AFF4: variants seen among roughly 807,000 people sequenced by gnomAD.
AFF4 encodes AF4/FMR2 family member 4.
In AFF4, 13 loss-of-function variants were observed where a neutral mutation model predicts 124.8. That is an observed-to-expected ratio of 0.10 (90% CI 0.07 to 0.17). AFF4 has a LOEUF of 0.17. Ranked by LOEUF, AFF4 falls within the 10% of genes least tolerant of loss-of-function variation. The pLI is 1.00. For missense variants in AFF4, 1,092 were observed against 1,403.8 expected, an observed-to-expected ratio of 0.78 and a Z score of 3.55; for synonymous variants, 477 against 496.1, an observed-to-expected ratio of 0.96 and a Z score of 0.51.
At chr5:132,929,583 A>G (rs1296275794) in intron 4 of AFF4, among the ~76,000 whole-genome samples, 2 of 152,172 alleles carry the variant, frequency 1.3e-5, no homozygotes, top group Non-Finnish European at 2.9e-5. Flanking sequence ...ACAGGGAAAA[A>G]AAATCTATAT....
rs1411633307 is a variant in AFF4, at chr5:132,897,041, C to A, written c.1589G>T (p.Gly530Val). ...GPKETSSATP[G>V]RDSKTIQKGS... Reference sequence around the variant, plus strand: ...CTTTTGGATGGTTTTGGAGTCTCGTCCCGGAGTAGCGGAACTCGTTTCTTT... The same window carrying A: ...CTTTTGGATGGTTTTGGAGTCTCGTACCGGAGTAGCGGAACTCGTTTCTTT... Residue 530 changes from glycine to valine, a missense_variant, in exon 11 of 21, where the codon GGA becomes GTA. Physicochemically the swap from Gly to Val is moderately radical, Grantham distance 109. Around this residue, in one of 11 missense-constraint regions of AFF4, gnomAD observed 174 missense variants for 205.9 expected, o/e 0.84. Transcript: ENST00000265343. 4.3e-6 allele frequency: 7 copies of A among 1,614,066 alleles called. No individual in the cohort carries two copies. The highest frequency in any genetic ancestry group is 3.3e-4 in the Middle Eastern group (2 of 6,078).
chr5:132,946,719 G>A (rs1761705101), intron 1 of AFF4, among the ~76,000 whole-genome samples: 1 of 152,094 alleles, frequency 6.6e-6, no homozygotes, highest in Non-Finnish European at 1.5e-5. Context: ...ATTGATGATT[G>A]TACAACACTG....
rs574084668 is a variant in AFF4 at position 132,920,111 on chromosome 5, G to A, written c.1050+7010C>T. Among the ~76,000 whole-genome samples the A allele has an allele frequency of 9.8e-4, 148 of 151,436 alleles. 1 individual carries two copies. Among genetic ancestry groups the A allele is most frequent in the Admixed American group, 3.4e-3 (52 of 15,224 alleles). ...GTTGCCCAGGCTGGAGTGCACTGGCGCAATCTTGGCTCACTGCAACCTCCG... is the reference window on the plus strand; with the variant it reads ...GTTGCCCAGGCTGGAGTGCACTGGCACAATCTTGGCTCACTGCAACCTCCG... On this transcript the variant is annotated intron_variant, in intron 5 of 20. Coordinates refer to ENST00000265343, the MANE Select transcript of AFF4 (RefSeq NM_014423.4).
intron 19 of AFF4, among the ~76,000 whole-genome samples, chr5:132,884,162 T>C (rs1190805613): frequency 6.6e-6 from 1 of 152,180 alleles, no homozygotes; most frequent in Non-Finnish European, 1.5e-5. Context: ...TTAAAATTTG[T>C]GAAATGTTCA....
intron 1 of AFF4, among the ~76,000 whole-genome samples, chr5:132,958,465 C>CAAAA (rs34337170): frequency 5.6e-4 from 31 of 55,654 alleles, no homozygotes; most frequent in African/African-American, 1.7e-3. Flanking sequence ...GACCCTGTCT[C>CAAAA]AAAAAAAAAA....
intron 4 of AFF4, 89 bp from the exon 5 acceptor site, chr5:132,927,296 G>A: frequency 9.0e-7 from 1 of 1,106,768 alleles, no homozygotes; most frequent in Non-Finnish European, 1.3e-6. Flanking sequence ...ATAAATACTG[G>A]TTTCATGACA....
At chr5:132,895,165 A>C (rs577388789) in intron 11 of AFF4, among the ~76,000 whole-genome samples, 23 of 152,312 alleles carry the variant, frequency 1.5e-4, no homozygotes, top group Non-Finnish European at 1.8e-4. Flanking sequence ...CAGCAGCCCT[A>C]AACAGCTTAC....
intron 2 of AFF4, 34 bp downstream of exon 2, chr5:132,937,033 A>T (rs1361462674): frequency 6.3e-7 from 1 of 1,576,526 alleles, no homozygotes; most frequent in South Asian, 1.1e-5. Context: ...TGTCATGCTA[A>T]TGGGAAAAAA....
intron 13 of AFF4, among the ~76,000 whole-genome samples, chr5:132,890,329 G>A (rs1170693948): frequency 6.6e-6 from 1 of 151,834 alleles, no homozygotes; most frequent in African/African-American, 2.4e-5. Context: ...GAGTGCAGTG[G>A]TGCAATCATG....
intron 5 of AFF4, among the ~76,000 whole-genome samples, chr5:132,923,935 A>G (rs1561497104): frequency 1.3e-5 from 2 of 152,148 alleles, no homozygotes; most frequent in Non-Finnish European, 2.9e-5. Context: ...GTGTTTCCAT[A>G]TAATAAAATA....
chr5:132,893,054 C>T lies in AFF4; in HGVS notation c.2372G>A (p.Gly791Asp). 1 of 1,614,044 alleles carries T rather than the reference C, an allele frequency of 6.2e-7. No homozygotes were observed. Among genetic ancestry groups the T allele is most frequent in the South Asian group, 1.1e-5 (1 of 91,072 alleles). The change falls in exon 12 of 21, where the codon GGC becomes GAC. Residue 791 changes from glycine to aspartate, a missense_variant. Gly to Asp is a moderately conservative substitution (Grantham distance 94, BLOSUM62 -1). Transcript: ENST00000265343. Reference sequence around the variant, plus strand: ...CTCTCTGTTGCTGGATGGCTTATGGCCTGCTGAATTCTTGTCCTCCGTTTT... The same window carrying T: ...CTCTCTGTTGCTGGATGGCTTATGGTCTGCTGAATTCTTGTCCTCCGTTTT... ...KPKTEDKNSA[G>D]HKPSSNRESS...
rs931178213 is a variant in AFF4 at position 132,934,375 on chromosome 5, A to G, written c.690T>C (p.Ser230=). The change falls in exon 3 of 21, where the codon AGT becomes AGC. Residue 230 remains serine, a synonymous_variant. Transcript: ENST00000265343. ...GGAAAGATTGAGTTGAGTGCTGCCCACTTGAAAAAGGTACACGGGAAGGAG... is the reference window on the plus strand; with the variant it reads ...GGAAAGATTGAGTTGAGTGCTGCCCGCTTGAAAAAGGTACACGGGAAGGAG... ...WDSPSRVPFS[S]GQHSTQSFPP... 1 of 1,614,170 alleles carries G rather than the reference A, an allele frequency of 6.2e-7. No homozygotes were observed. Among genetic ancestry groups the G allele is most frequent in the Middle Eastern group, 1.6e-4 (1 of 6,062 alleles).
At chr5:132,962,973 T>C (rs1762114018) in intron 1 of AFF4, among the ~76,000 whole-genome samples, 1 of 152,140 alleles carries the variant, frequency 6.6e-6, no homozygotes, top group South Asian at 2.1e-4. Context: ...AATCAGCCGA[T>C]GGAACGTCTG....
chr5:132,881,317 G>T, intron 20 of AFF4, 131 bp from the exon 21 acceptor site: 1 of 966,586 alleles, frequency 1.0e-6, no homozygotes, highest in Non-Finnish European at 1.5e-6. Context: ...AATGCTTACT[G>T]TCCATGTTTT....
intron 11 of AFF4, among the ~76,000 whole-genome samples, chr5:132,896,059 C>T (rs1224378675): frequency 2.0e-5 from 3 of 152,326 alleles, no homozygotes; most frequent in East Asian, 1.9e-4. Flanking sequence ...TGCTCTCTAA[C>T]CTCTACACTG....
intron 1 of AFF4, among the ~76,000 whole-genome samples, chr5:132,949,847 CAAAAAAA>C (rs113489900): frequency 2.0e-5 from 2 of 100,200 alleles, no homozygotes; most frequent in African/African-American, 3.4e-5. Context: ...GACTCTGTCT[CAAAAAAA>C]AAAAAAAAAA....
intron 1 of AFF4, among the ~76,000 whole-genome samples, chr5:132,962,646 A>T (rs1288030365): frequency 6.6e-6 from 1 of 152,082 alleles, no homozygotes; most frequent in Non-Finnish European, 1.5e-5. Flanking sequence ...AGGCAGCTGG[A>T]GGAAAGGCCT....
At chr5:132,901,611 T>C (rs752253802) in intron 7 of AFF4, among the ~76,000 whole-genome samples, 11 of 152,210 alleles carry the variant, frequency 7.2e-5, no homozygotes, top group Non-Finnish European at 1.2e-4. Flanking sequence ...GTTACATTTT[T>C]ATATATATTC....
intron 5 of AFF4, among the ~76,000 whole-genome samples, chr5:132,906,086 A>T (rs1760664901): frequency 6.6e-6 from 1 of 152,224 alleles, no homozygotes; most frequent in Non-Finnish European, 1.5e-5. Context: ...CTTCTCAACC[A>T]CTAGGATGAC....
Sources: allele counts gnomAD v4.1 joint callset (sites outside exome capture counted in the v4.1 genomes callset), GRCh38; gene constraint gnomAD v4.1.1; regional missense constraint gnomAD v4.1.1; transcripts MANE v1.5; gene names NCBI Gene and HGNC (gene_info 2026-07-23, HGNC 2026-07-21).